The following TBC1D32 variants were observed in gnomAD, a reference collection of about 807,000 sequenced individuals.
The protein encoded by TBC1D32 is TBC1 domain family member 32.
Under a neutral mutation model 170.3 loss-of-function variants are expected in TBC1D32, and 151 were observed. That is an observed-to-expected ratio of 0.89 (90% CI 0.78 to 1.01). The LOEUF (loss-of-function observed/expected upper bound fraction) is 1.01, where lower values mean the gene tolerates loss of function less well. Ranked by LOEUF, TBC1D32 falls within the 50% of genes least tolerant of loss-of-function variation. The pLI is 0.00. For missense variants in TBC1D32, 1,464 were observed against 1,457.1 expected (o/e 1.00, Z -0.08); for synonymous variants, 498 against 488.0 (o/e 1.02, Z -0.27).
At chr6:121,228,987 T>C (rs1795384376) in intron 20 of TBC1D32, among the ~76,000 whole-genome samples, 1 of 152,160 alleles carries the variant, frequency 6.6e-6, no homozygotes, top group South Asian at 2.1e-4. Context: ...TTATAAAATG[T>C]GTCTCTTAAT....
intron 24 of TBC1D32, among the ~76,000 whole-genome samples, chr6:121,135,495 G>A (rs957201143): frequency 3.9e-5 from 6 of 152,122 alleles, no homozygotes; most frequent in Non-Finnish European, 7.4e-5. Context: ...AAACCAATGA[G>A]GTGAGCTTTA....
At chr6:121,279,691 C>T (rs1252006221) in intron 14 of TBC1D32, among the ~76,000 whole-genome samples, 2 of 151,898 alleles carry the variant, frequency 1.3e-5, no homozygotes, top group African/African-American at 4.8e-5. Flanking sequence ...GAATGTACAT[C>T]CAACTAGGGA....
intron 15 of TBC1D32, among the ~76,000 whole-genome samples, chr6:121,257,176 T>C (rs538502364): frequency 7.2e-4 from 110 of 152,322 alleles, no homozygotes; most frequent in African/African-American, 2.5e-3. Flanking sequence ...TAGTTCTCCA[T>C]ATATCCTATA....
Position 121,160,062 on chromosome 6 carries a change from T to C in TBC1D32, c.2721A>G (p.Pro907=), listed in dbSNP as rs755115001. Residue 907 remains proline (P), a synonymous_variant, in exon 24 of 32, where the codon CCA becomes CCG. Transcript: ENST00000398212. ...PYPWPMFSSY[P]LPNCYLSDIT... ...TGTCTGACAGATAGCAGTTTGGCAATGGATATGATGAAAACATTGGCCAAG... is the reference window on the plus strand; with the variant it reads ...TGTCTGACAGATAGCAGTTTGGCAACGGATATGATGAAAACATTGGCCAAG... 6.2e-7 allele frequency: 1 copy of C among 1,608,546 alleles called. No homozygotes were observed. Among genetic ancestry groups the C allele is most frequent in the African/African-American group, 1.3e-5 (1 of 74,842 alleles).
intron 23 of TBC1D32, among the ~76,000 whole-genome samples, chr6:121,160,483 A>G (rs1562717225): frequency 1.3e-5 from 2 of 152,072 alleles, no homozygotes; most frequent in Non-Finnish European, 2.9e-5. Flanking sequence ...TCTTTCCGAG[A>G]GTGACAGTCA....
intron 22 of TBC1D32, among the ~76,000 whole-genome samples, chr6:121,174,629 T>G (rs76110423): frequency 0.012 from 1,890 of 152,266 alleles, 38 homozygotes; most frequent in African/African-American, 0.043. Context: ...CTAACATGAT[T>G]AGATATTAAA....
At chr6:121,081,079 A>G (rs1449422243) in intron 31 of TBC1D32, among the ~76,000 whole-genome samples, 189 bp from the exon 32 acceptor site, 1 of 152,182 alleles carries the variant, frequency 6.6e-6, no homozygotes, top group Non-Finnish European at 1.5e-5. Context: ...AAGAAACTAT[A>G]TGTCCCCCTT....
At chr6:121,291,098 A>G (rs2128462335) in intron 12 of TBC1D32, among the ~76,000 whole-genome samples, 1 of 152,208 alleles carries the variant, frequency 6.6e-6, no homozygotes, top group Non-Finnish European at 1.5e-5. Flanking sequence ...ATGTATACAT[A>G]TGTAACTAAC....
At chr6:121,225,569 A>T (rs1794964527) in intron 20 of TBC1D32, among the ~76,000 whole-genome samples, 2 of 152,032 alleles carry the variant, frequency 1.3e-5, no homozygotes, top group Admixed American at 1.3e-4. Flanking sequence ...ATGATTATGG[A>T]ACCTCTCTTC....
intron 31 of TBC1D32, among the ~76,000 whole-genome samples, chr6:121,081,661 C>G (rs889292723): frequency 5.3e-5 from 8 of 151,484 alleles, no homozygotes; most frequent in Non-Finnish European, 1.2e-4. Flanking sequence ...AAAAAGCAAC[C>G]CAAAAGAATA....
At chr6:121,209,678 A>T (rs2128310570) in intron 21 of TBC1D32, among the ~76,000 whole-genome samples, 1 of 152,362 alleles carries the variant, frequency 6.6e-6, no homozygotes, top group South Asian at 2.1e-4. Context: ...AACTAGTAAG[A>T]GGCAGAACCA....
chr6:121,281,921 G>A (rs773530320), intron 13 of TBC1D32, among the ~76,000 whole-genome samples: 4 of 151,530 alleles, frequency 2.6e-5, no homozygotes, highest in African/African-American at 7.2e-5. Context: ...GCCAAAAGAC[G>A]AGAATACAAA....
intron 22 of TBC1D32, among the ~76,000 whole-genome samples, chr6:121,188,933 C>T (rs773417417): frequency 3.9e-5 from 6 of 152,020 alleles, no homozygotes; most frequent in Non-Finnish European, 7.4e-5. Flanking sequence ...GCCTTTGCTC[C>T]AATAGATAAA....
At chr6:121,141,675 A>G (rs1249816230) in intron 24 of TBC1D32, among the ~76,000 whole-genome samples, 5 of 152,186 alleles carry the variant, frequency 3.3e-5, no homozygotes, top group African/African-American at 1.2e-4. Flanking sequence ...ATGATTAAAC[A>G]TAGATTATCA....
Position 121,281,606 on chromosome 6 carries a change from A to T in TBC1D32, c.1546T>A (p.Tyr516Asn). The T allele has an allele frequency of 6.2e-7, 1 of 1,608,216 alleles. No individual in the cohort carries two copies. The change falls in exon 14 of 32, where the codon TAT (tyrosine) becomes AAT (asparagine). Residue 516 changes from tyrosine to asparagine, a missense_variant. Around this residue, in one of 3 missense-constraint regions of TBC1D32, gnomAD observed 1,363 missense variants for 1,338.1 expected, o/e 1.02. Coordinates refer to ENST00000398212, the MANE Select transcript of TBC1D32 (RefSeq NM_152730.6). ...DQKECAVECL[Y>N]NNIVIETLLQ... ...AGTGTCTCTATTACAATGTTGTTAT[A>T]TAAGCATTCCACTGCACATTCTTTT...
In TBC1D32 at chr6:121,242,634, CCTT is replaced by C; in HGVS notation, c.2019-298_2019-296del. On this transcript the variant is annotated intron_variant, in intron 17 of 31. Transcript: ENST00000398212. ...GGTTCTCTCATCCACACACTAATTT[CCTT>C]CTATTTTCCTATTAAAATTCTGCTG... 2.6e-5 allele frequency among the ~76,000 whole-genome samples: 4 copies of C among 152,152 alleles called. 2 individuals are homozygous for C. Among genetic ancestry groups the C allele is most frequent in the Admixed American group, 2.6e-4 (4 of 15,266 alleles).
chr6:121,317,624 G>C lies in TBC1D32; in HGVS notation c.366C>G (p.Val122=), dbSNP rs768835120. ...CTTCAAACTTGTTAATCATAGACTCGACCACAGCTATCATAATGTTCTTCA... is the reference window on the plus strand; with the variant it reads ...CTTCAAACTTGTTAATCATAGACTCCACCACAGCTATCATAATGTTCTTCA... ...HYLKNIMIAV[V]ESMINKFEED... Residue 122 remains valine, a synonymous_variant, in exon 3 of 32, where the codon GTC becomes GTG. Transcript: ENST00000398212. 6.2e-7 allele frequency: 1 copy of C among 1,610,378 alleles called. No individual in the cohort carries two copies. Among genetic ancestry groups the C allele is most frequent in the South Asian group, 1.1e-5 (1 of 90,592 alleles).
intron 30 of TBC1D32, among the ~76,000 whole-genome samples, chr6:121,097,544 C>T (rs1430646629): frequency 6.6e-6 from 1 of 152,124 alleles, no homozygotes; most frequent in African/African-American, 2.4e-5. Flanking sequence ...CAGGAAACAA[C>T]AGATGCTGGA....
intron 17 of TBC1D32, among the ~76,000 whole-genome samples, chr6:121,254,101 G>A (rs1413765711): frequency 6.6e-6 from 1 of 152,058 alleles, no homozygotes; most frequent in African/African-American, 2.4e-5. Context: ...GTTGGATGGA[G>A]CTGGAGGCCG....
Sources: gnomAD v4.1 joint callset for allele counts (sites outside exome capture counted in the v4.1 genomes callset) on GRCh38, gnomAD v4.1.1 for gene constraint, gnomAD v4.1.1 regional missense constraint, MANE v1.5 for transcripts, NCBI Gene and HGNC (gene_info 2026-07-23, HGNC 2026-07-21) for gene names.